PBLD: variants seen among roughly 807,000 people sequenced by gnomAD.
PBLD encodes phenazine biosynthesis-like domain-containing protein.
In PBLD, 26 loss-of-function variants were observed where a neutral mutation model predicts 31.3. That is an observed-to-expected ratio of 0.83 (90% confidence interval 0.61 to 1.15). The LOEUF (loss-of-function observed/expected upper bound fraction) is 1.15. PBLD is among the 50% of genes most tolerant of loss of function. The pLI, the probability that PBLD is intolerant of heterozygous loss-of-function variation, is 0.00. For missense variants in PBLD, 307 were observed against 351.7 expected (o/e 0.87, Z 1.02); for synonymous variants, 114 against 129.0 (o/e 0.88, Z 0.79).
intron 1 of PBLD, among the ~76,000 whole-genome samples, chr10:68,314,957 GT>G (rs2044717754): frequency 6.6e-6 from 1 of 151,828 alleles, no homozygotes; most frequent in Non-Finnish European, 1.5e-5. Context: ...GCCCAGCTAG[GT>G]TTTGTATTTT....
At chr10:68,290,505 C>T (rs1274627205) in intron 6 of PBLD, among the ~76,000 whole-genome samples, 1 of 152,054 alleles carries the variant, frequency 6.6e-6, no homozygotes, top group Non-Finnish European at 1.5e-5. Context: ...ATCACCTGAG[C>T]TCAGGAGTTC....
intron 1 of PBLD, chr10:68,331,042 C>A (rs528947451): frequency 5.9e-5 from 9 of 152,248 alleles, no homozygotes; most frequent in African/African-American, 2.2e-4. Flanking sequence ...CCCAGCTAAT[C>A]TTTGTATTTT....
At chr10:68,306,173 AT>A (rs1245153889) in intron 2 of PBLD, among the ~76,000 whole-genome samples, 2 of 150,150 alleles carry the variant, frequency 1.3e-5, no homozygotes, top group Non-Finnish European at 3.0e-5. Context: ...ATATTTAACT[AT>A]TCCATTAATA....
intron 3 of PBLD, 105 bp from the exon 4 acceptor site, chr10:68,296,469 G>A: frequency 1.3e-6 from 1 of 765,582 alleles, no homozygotes; most frequent in Non-Finnish European, 2.2e-6. Context: ...ATGATGAGTA[G>A]CCAAAACATG....
chr10:68,295,437 G>T (rs1418041309), intron 4 of PBLD, among the ~76,000 whole-genome samples: 4 of 149,024 alleles, frequency 2.7e-5, no homozygotes, highest in African/African-American at 9.9e-5. Flanking sequence ...AGGTTGCAGT[G>T]AACTGATATC....
Position 68,283,128 on chromosome 10 carries a change from C to T in PBLD, c.*1049G>A, listed in dbSNP as rs2044249183. 1.3e-5 allele frequency: 2 copies of T among 151,938 alleles called. No homozygotes were observed. Among genetic ancestry groups the T allele is most frequent in the South Asian group, 4.2e-4 (2 of 4,808 alleles). The allele number at this position is 151,938 out of a possible 1,614,324, so 9.4% of individuals were successfully genotyped here. A position where few individuals can be genotyped will look rare whatever the true frequency, so the allele number is the denominator to read the frequency against. ...CGAACTCCTAGGTTCAAGTGATCCTCCTGCCTTGTCCTGCCAAAGTGCTGG... is the reference window on the plus strand; with the variant it reads ...CGAACTCCTAGGTTCAAGTGATCCTTCTGCCTTGTCCTGCCAAAGTGCTGG... On this transcript the variant is annotated 3_prime_UTR_variant, in exon 10 of 10. Transcript: ENST00000358769.
chr10:68,310,562 T>C (rs2044652915), intron 1 of PBLD, among the ~76,000 whole-genome samples: 1 of 149,798 alleles, frequency 6.7e-6, no homozygotes, highest in Admixed American at 6.8e-5. Context: ...TCCTATCTAC[T>C]GTAATTATGT....
intron 8 of PBLD, chr10:68,287,077 T>A (rs1297891653): frequency 7.0e-6 from 1 of 142,912 alleles, no homozygotes; most frequent in Non-Finnish European, 1.5e-5. Context: ...TGCAGGGAGC[T>A]GAGAACGTGC....
intron 1 of PBLD, among the ~76,000 whole-genome samples, chr10:68,327,542 G>A (rs1471363926): frequency 1.3e-5 from 2 of 151,772 alleles, no homozygotes; most frequent in African/African-American, 2.4e-5. Context: ...GCTGGGCGTG[G>A]TCATGCATGC....
intron 1 of PBLD, among the ~76,000 whole-genome samples, chr10:68,315,323 G>A (rs1402238672): frequency 6.6e-6 from 1 of 152,138 alleles, no homozygotes; most frequent in Non-Finnish European, 1.5e-5. Context: ...GGTGGCTTGT[G>A]CCTGTAATCC....
At chr10:68,325,283 G>T (rs536434452) in intron 1 of PBLD, among the ~76,000 whole-genome samples, 35 of 151,994 alleles carry the variant, frequency 2.3e-4, no homozygotes, top group Non-Finnish European at 4.9e-4. Flanking sequence ...CACTACATTG[G>T]CCGGGAATGG....
At chr10:68,322,426 C>T (rs1344434464) in intron 1 of PBLD, among the ~76,000 whole-genome samples, 2 of 150,860 alleles carry the variant, frequency 1.3e-5, no homozygotes, top group Non-Finnish European at 2.9e-5. Context: ...TTTGGGAGGC[C>T]GAGGTAGAAG....
chr10:68,286,034 T>C (rs2044282951), intron 8 of PBLD, among the ~76,000 whole-genome samples: 1 of 151,424 alleles, frequency 6.6e-6, no homozygotes, highest in Non-Finnish European at 1.5e-5. Context: ...TTGTCTTGTC[T>C]ACCAGCTCAT....
intron 1 of PBLD, among the ~76,000 whole-genome samples, chr10:68,318,520 CT>C (rs199741376): frequency 3.5e-5 from 5 of 143,848 alleles, no homozygotes; most frequent in African/African-American, 1.0e-4. Context: ...GATCCTGTCT[CT>C]TTTAAAAAAA....
chr10:68,302,481 C>G (rs1238447305), intron 2 of PBLD, among the ~76,000 whole-genome samples: 2 of 152,132 alleles, frequency 1.3e-5, no homozygotes, highest in Non-Finnish European at 2.9e-5. Flanking sequence ...AGATAAGGTT[C>G]CAGTAAATTC....
intron 1 of PBLD, among the ~76,000 whole-genome samples, chr10:68,316,391 G>A (rs78828714): frequency 0.042 from 6,420 of 152,094 alleles, 217 homozygotes; most frequent in East Asian, 0.19. Context: ...GTTTAAGCAA[G>A]CAAAAGAAAA....
Position 68,332,870 on chromosome 10 carries a change from G to C in PBLD, c.-146C>G, listed in dbSNP as rs1166932773. On this transcript the variant is annotated 5_prime_UTR_variant, in exon 1 of 10. Coordinates refer to ENST00000358769, the MANE Select transcript of PBLD (RefSeq NM_022129.4). ...CTGGGGGAGGAAAGCCAATGGCGAC[G>C]AAGGTGCTCAACTCCCAAATCCAGG... The C allele has an allele frequency of 5.9e-5, 9 of 152,324 alleles. No individual in the cohort carries two copies. The highest frequency in any genetic ancestry group is 5.9e-4 in the Admixed American group (9 of 15,282). 9.4% of individuals were successfully genotyped at this position (152,324 alleles called of 1,614,324 possible). A position where few individuals can be genotyped will look rare whatever the true frequency, so the allele number is the denominator to read the frequency against.
At chr10:68,322,404 T>C (rs1240295413) in intron 1 of PBLD, among the ~76,000 whole-genome samples, 1 of 151,596 alleles carries the variant, frequency 6.6e-6, no homozygotes, top group African/African-American at 2.4e-5. Flanking sequence ...CTCACAACTG[T>C]AATCCTAGCA....
intron 9 of PBLD, 97 bp from the exon 10 acceptor site, chr10:68,284,386 G>C: frequency 1.9e-6 from 2 of 1,029,206 alleles, no homozygotes; most frequent in African/African-American, 1.6e-5. Context: ...AGTCCTCCCA[G>C]ATCAGTTTCA....
Sources: allele counts gnomAD v4.1 joint callset (sites outside exome capture counted in the v4.1 genomes callset), GRCh38; gene constraint gnomAD v4.1.1; transcripts MANE v1.5; gene names NCBI Gene and HGNC (gene_info 2026-07-23, HGNC 2026-07-21).